LZTR1: variants seen among roughly 807,000 people sequenced by gnomAD.
LZTR1 encodes the protein leucine zipper like post translational regulator 1.
Under a neutral mutation model 105.7 loss-of-function variants are expected in LZTR1, and 260 were observed. That is an observed-to-expected ratio of 2.46 (90% CI 2.22 to 2.72). LZTR1 has a LOEUF of 2.72. Among genes scored for constraint, LZTR1 ranks in the 30% most tolerant of loss-of-function variants. LZTR1 has a pLI of 0.00. For synonymous variants in LZTR1, 490 were observed against 476.4 expected (o/e 1.03, Z -0.37); for missense variants, 1,214 against 1,166.9 (o/e 1.04, Z -0.59).
chr22:20,996,100 C>T lies in LZTR1; in HGVS notation c.2207C>T (p.Pro736Leu). Residue 736 changes from proline to leucine, a missense_variant, in exon 18 of 21, where the codon CCC (proline) becomes CTC (leucine). By Grantham distance (98) the Pro-to-Leu change is moderately conservative. Coordinates refer to ENST00000646124, the MANE Select transcript of LZTR1 (RefSeq NM_006767.4). ...YIYYGEVNMPPEDSLYLFAAP... is the reference protein window; with the variant it reads ...YIYYGEVNMPLEDSLYLFAAP... ...TACTACGGCGAGGTCAACATGCCGC[C>T]CGAGGACTCGCTGCATCCTCACTCC... The T allele has an allele frequency of 1.2e-6, 2 of 1,612,648 alleles. No individual in the cohort carries two copies. The highest frequency in any genetic ancestry group is 2.2e-5 in the South Asian group (2 of 91,086).
At chr22:20,989,830 C>T in intron 7 of LZTR1, 148 bp downstream of exon 7, 1 of 844,134 alleles carries the variant, frequency 1.2e-6, no homozygotes, top group Non-Finnish European at 1.9e-6. Context: ...GGGGTCGAGG[C>T]TGCTTTCTTC....
Position 20,997,496 on chromosome 22 carries a change from A to G in LZTR1, c.*148A>G. The G allele has an allele frequency of 1.5e-6, 1 of 648,050 alleles. No homozygotes were observed. The highest frequency in any genetic ancestry group is 2.7e-6 in the Non-Finnish European group (1 of 370,650). The allele number at this position is 648,050 out of a possible 1,614,324, so 40.1% of individuals were successfully genotyped here. ...TGCCCAGAGCCTCCAAAGAGAGCTG[A>G]GGGGATGTGGGGCCCCAAACTCATT... is the stretch of plus-strand genomic sequence containing the variant. On this transcript the variant is annotated 3_prime_UTR_variant, in exon 21 of 21. Transcript: ENST00000646124.
Position 20,990,421 on chromosome 22 carries a change from C to T in LZTR1, c.687C>T (p.Cys229=). ...GTGGCGAGATCCCCCCATCTTGCTG[C>T]AACTTCCCCGTGGCTGTGTGCCGGG... The part of the protein sequence containing the change: ...AQSGEIPPSC[C]NFPVAVCRDK... The change falls in exon 8 of 21, where the codon TGC becomes TGT. Residue 229 remains cysteine, a synonymous_variant. Coordinates refer to ENST00000646124, the MANE Select transcript of LZTR1 (RefSeq NM_006767.4). 6.2e-7 allele frequency: 1 copy of T among 1,614,122 alleles called. No individual in the cohort carries two copies. The highest frequency in any genetic ancestry group is 8.5e-7 in the Non-Finnish European group (1 of 1,180,024).
At position 20,996,796 on chromosome 22, in the gene LZTR1, C is replaced by A. The variant is rs1207597060; in HGVS notation, c.2320C>A (p.Leu774Met). Residue 774 changes from leucine (L) to methionine (M), a missense_variant, in exon 19 of 21, where the codon CTG becomes ATG. Leu to Met is a conservative substitution (Grantham distance 15). Transcript: ENST00000646124. ...LEMNVTVQNV[L>M]QILEAADKTQ... The stretch of plus-strand genomic sequence containing the variant: ...GATGAACGTGACGGTGCAGAACGTG[C>A]TGCAGGTAGCCCCCCAGCCCCGTGC... The A allele has an allele frequency of 6.2e-7, 1 of 1,613,632 alleles. No individual in the cohort carries two copies. The highest frequency in any genetic ancestry group is 1.7e-5 in the Admixed American group (1 of 60,016).
At chr22:20,996,225 C>T in intron 18 of LZTR1, 113 bp downstream of exon 18, 2 of 1,223,328 alleles carry the variant, frequency 1.6e-6, no homozygotes, top group East Asian at 2.4e-5. Context: ...GGGCCCAGCG[C>T]CTCCCTCCAG....
chr22:20,996,652 G>T (rs774473736), intron 18 of LZTR1, 44 bp from the exon 19 acceptor site: 1 of 1,550,778 alleles, frequency 6.4e-7, no homozygotes, highest in Non-Finnish European at 8.9e-7. Flanking sequence ...GGGAGGGTGC[G>T]GGCGGACCAG....
chr22:20,992,249 T>G lies in LZTR1; in HGVS notation c.1029T>G (p.Ala343=), dbSNP rs769177431. 4 of 1,613,958 alleles carry G rather than the reference T, an allele frequency of 2.5e-6. No individual in the cohort carries two copies. The East Asian group carries it at 8.9e-5, about 36-fold the overall frequency. ...CTGAAGTGCCCGAGCGAGCCTGTGC[T>G]TCCGAGGAGGTGCCCACCCTGACCT... ...GGAEVPERAC[A]SEEVPTLTYE... is the part of the protein sequence containing the mutation. The change falls in exon 10 of 21, where the codon GCT becomes GCG. Residue 343 remains alanine (A), a synonymous_variant. Transcript: ENST00000646124.
Position 20,998,566 on chromosome 22 carries a change from G to A in LZTR1, c.*1218G>A, listed in dbSNP as rs1338470627. The A allele has an allele frequency of 6.6e-6, 1 of 152,332 alleles. No individual in the cohort carries two copies. Among genetic ancestry groups the A allele is most frequent in the Non-Finnish European group, 1.5e-5 (1 of 68,174 alleles). The allele number at this position is 152,332 out of a possible 1,614,324, so 9.4% of individuals were successfully genotyped here. A position where few individuals can be genotyped will look rare whatever the true frequency, so the allele number is the denominator to read the frequency against. On this transcript the variant is annotated 3_prime_UTR_variant, in exon 21 of 21. Coordinates refer to ENST00000646124, the MANE Select transcript of LZTR1 (RefSeq NM_006767.4). ...TCCTTTGGGTGTATGCAGGTGTGTGGGGGGCCCTGAGTGGCAAGTTGCTTA... is the reference window on the plus strand; with the variant it reads ...TCCTTTGGGTGTATGCAGGTGTGTGAGGGGCCCTGAGTGGCAAGTTGCTTA...
intron 3 of LZTR1, 190 bp downstream of exon 3, chr22:20,986,087 AC>A: frequency 1.6e-6 from 1 of 613,158 alleles, no homozygotes; most frequent in Non-Finnish European, 2.9e-6. Flanking sequence ...TCAAGTAACC[AC>A]CCCGCACCTG....
rs111871065 is a variant in LZTR1, at chr22:20,989,058, G to A, written c.593+186G>A. On this transcript the variant is annotated intron_variant, in intron 6 of 20. Transcript: ENST00000646124. ...AGGAGGATGGACAGATGGAGGTGAG[G>A]GCCACTGGGTGGAGCCCCGTGGCTA... Among the ~76,000 whole-genome samples the A allele has an allele frequency of 0.011, 1,664 of 152,268 alleles. 28 individuals carry two copies. The highest frequency in any genetic ancestry group is 0.038 in the African/African-American group (1,583 of 41,546).
chr22:20,985,417 G>T (rs1924344653), intron 2 of LZTR1, among the ~76,000 whole-genome samples: 1 of 151,564 alleles, frequency 6.6e-6, no homozygotes. Context: ...GAAGCAAAGG[G>T]CCTCTCCTGA....
chr22:20,996,642 G>A, intron 18 of LZTR1, 54 bp from the exon 19 acceptor site: 1 of 1,491,784 alleles, frequency 6.7e-7, no homozygotes, highest in Non-Finnish European at 9.3e-7. Flanking sequence ...GTCCTTCCCT[G>A]GGAGGGTGCG....
chr22:20,995,648 A>G, intron 16 of LZTR1, 98 bp from the exon 17 acceptor site: 2 of 1,464,716 alleles, frequency 1.4e-6, no homozygotes, highest in South Asian at 2.4e-5. Flanking sequence ...AGTTTTGTTC[A>G]GGGCAGCAAC....
In LZTR1 at chr22:20,996,883, C is replaced by G; in HGVS notation, c.2326-3C>G. 6.2e-7 allele frequency: 1 copy of G among 1,611,974 alleles called. No individual in the cohort carries two copies. The highest frequency in any genetic ancestry group is 8.5e-7 in the Non-Finnish European group (1 of 1,178,658). ...CAGCGCCTCAAGGTCCCTGCCATTGCAGATCCTGGAGGCAGCTGACAAAAC... is the reference window on the plus strand; with the variant it reads ...CAGCGCCTCAAGGTCCCTGCCATTGGAGATCCTGGAGGCAGCTGACAAAAC... On this transcript the variant is annotated splice_region_variant and splice_polypyrimidine_tract_variant and intron_variant, in intron 19 of 20. Coordinates refer to ENST00000646124, the MANE Select transcript of LZTR1 (RefSeq NM_006767.4).
At position 20,996,078 on chromosome 22, in the gene LZTR1, T is replaced by TA. The variant is rs776223531; in HGVS notation, c.2186dup (p.Tyr729Ter). ...AFESMLRYIY[Y>*]GEVNMPPEDS... is the part of the protein sequence containing the mutation. ...CGAGTCCATGCTGCGCTACATCTACTACGGCGAGGTCAACATGCCGCCCGA... is the reference window on the plus strand; with the variant it reads ...CGAGTCCATGCTGCGCTACATCTACTAACGGCGAGGTCAACATGCCGCCCGA... Residue 729 changes from tyrosine to a stop codon, truncating the protein, a stop_gained and frameshift_variant, in exon 18 of 21, where the codon TAC (tyrosine) becomes TAAC (stop). Coordinates refer to ENST00000646124, the MANE Select transcript of LZTR1 (RefSeq NM_006767.4). LOFTEE classifies it high-confidence loss of function. The TA allele has an allele frequency of 1.2e-6, 2 of 1,613,244 alleles. No homozygotes were observed. The highest frequency in any genetic ancestry group is 3.3e-5 in the Admixed American group (2 of 60,020).
At chr22:20,993,013 C>A in intron 11 of LZTR1, 109 bp downstream of exon 11, 2 of 746,792 alleles carry the variant, frequency 2.7e-6, no homozygotes, top group South Asian at 3.6e-5. Context: ...GCCAGGGCCA[C>A]ACCTGGCAGG....
intron 13 of LZTR1, 32 bp from the exon 14 acceptor site, chr22:20,994,072 T>A (rs1254067421): frequency 6.3e-7 from 1 of 1,581,024 alleles, no homozygotes; most frequent in East Asian, 2.3e-5. Flanking sequence ...TGGTGTCCAC[T>A]GGGGTGTCCT....
At chr22:20,992,515 A>G in intron 10 of LZTR1, 146 bp downstream of exon 10, 2 of 968,574 alleles carry the variant, frequency 2.1e-6, no homozygotes, top group Admixed American at 2.8e-5. Context: ...AAGGGCCCTC[A>G]CCCTGCTGGC....
At chr22:20,993,020 C>A in intron 11 of LZTR1, 116 bp downstream of exon 11, 1 of 723,352 alleles carries the variant, frequency 1.4e-6, no homozygotes, top group Non-Finnish European at 2.3e-6. Context: ...CCACACCTGG[C>A]AGGATGGAAG....
Sources: gnomAD v4.1 joint callset for allele counts (sites outside exome capture counted in the v4.1 genomes callset) on GRCh38, gnomAD v4.1.1 for gene constraint, MANE v1.5 for transcripts, NCBI Gene and HGNC (gene_info 2026-07-23, HGNC 2026-07-21) for gene names.